DCC: variants seen among roughly 807,000 people sequenced by gnomAD.
DCC encodes netrin receptor DCC.
In DCC, 58 loss-of-function variants were observed where a neutral mutation model predicts 172.5. That is an observed-to-expected ratio of 0.34 (90% CI 0.27 to 0.42). The LOEUF is 0.42. DCC is among the 10% of genes least tolerant of loss of function. The pLI, the probability that DCC is intolerant of heterozygous loss-of-function variation, is 1.00. For synonymous variants in DCC, 709 were observed against 644.5 expected, an observed-to-expected ratio of 1.10 and a Z score of -1.52; for missense variants, 1,740 against 1,791.0, an observed-to-expected ratio of 0.97 and a Z score of 0.51.
Position 53,250,832 on chromosome 18 carries a change from A to G in DCC, c.1911+35235A>G, listed in dbSNP as rs146537735. ...AATGTTACCCATGTTCAGGATCTCC[A>G]CTTCCGTTATCTCCCTTGATTCCTG... On this transcript the variant is annotated intron_variant, in intron 12 of 28. Coordinates refer to ENST00000442544, the MANE Select transcript of DCC (RefSeq NM_005215.4). 5.9e-5 allele frequency among the ~76,000 whole-genome samples: 9 copies of G among 151,886 alleles called. No homozygotes were observed. In the East Asian group the frequency reaches 1.2e-3, roughly 20 times the overall value.
At chr18:52,408,236 C>A (rs3915401) in intron 1 of DCC, among the ~76,000 whole-genome samples, 54,948 of 151,706 alleles carry the variant, frequency 0.36, 10,297 homozygotes, top group Non-Finnish European at 0.42. Context: ...TGTCAAAATC[C>A]AGATTTTTTT....
At chr18:52,487,132 G>A (rs1006497547) in intron 1 of DCC, among the ~76,000 whole-genome samples, 6 of 152,108 alleles carry the variant, frequency 3.9e-5, no homozygotes, top group African/African-American at 9.7e-5. Context: ...GGACTGGGAG[G>A]GTTGGTGGAT....
chr18:53,425,872 A>G (rs1910901511), intron 21 of DCC, among the ~76,000 whole-genome samples: 2 of 152,164 alleles, frequency 1.3e-5, no homozygotes, highest in Non-Finnish European at 2.9e-5. Context: ...ATTCTGATCC[A>G]TTTAGTTCCA....
chr18:52,868,017 T>G (rs1019388523), intron 2 of DCC, among the ~76,000 whole-genome samples: 1 of 148,020 alleles, frequency 6.8e-6, no homozygotes, highest in East Asian at 2.0e-4. Context: ...ATGAGATTGC[T>G]AATATGTGTA....
At chr18:52,497,280 A>AAAAAAT (rs1555689730) in intron 1 of DCC, among the ~76,000 whole-genome samples, 13 of 21,560 alleles carry the variant, frequency 6.0e-4, no homozygotes, top group Admixed American at 1.3e-3. Context: ...AAAAAAAAAA[A>AAAAAAT]ATATATATAT....
intron 15 of DCC, among the ~76,000 whole-genome samples, chr18:53,347,986 G>A (rs2339578): frequency 0.34 from 52,083 of 151,854 alleles, 10,064 homozygotes; most frequent in East Asian, 0.58. Flanking sequence ...TGGGGACACA[G>A]CGAAACCATA....
intron 13 of DCC, among the ~76,000 whole-genome samples, chr18:53,320,149 T>C (rs1277353115): frequency 6.8e-6 from 1 of 147,664 alleles, no homozygotes; most frequent in East Asian, 2.1e-4. Context: ...CTCTGCTCAC[T>C]GCAAGCTCTG....
At chr18:53,216,793 A>G (rs1326303038) in intron 12 of DCC, among the ~76,000 whole-genome samples, 1 of 152,152 alleles carries the variant, frequency 6.6e-6, no homozygotes, top group Non-Finnish European at 1.5e-5. Context: ...AAATTAGAAG[A>G]AAATAACTAA....
chr18:53,257,215 G>T (rs1160158988), intron 12 of DCC, among the ~76,000 whole-genome samples: 2 of 152,072 alleles, frequency 1.3e-5, no homozygotes, highest in African/African-American at 2.4e-5. Context: ...TCCTTCTCCT[G>T]CCTGATTGCC....
At chr18:52,740,447 C>T (rs571186116) in intron 1 of DCC, among the ~76,000 whole-genome samples, 4 of 152,204 alleles carry the variant, frequency 2.6e-5, no homozygotes, top group Non-Finnish European at 4.4e-5. Context: ...TAATGAAAAT[C>T]GCTATTTGGC....
At chr18:53,409,406 T>C (rs1166268951) in intron 19 of DCC, among the ~76,000 whole-genome samples, 2 of 152,142 alleles carry the variant, frequency 1.3e-5, no homozygotes, top group Non-Finnish European at 2.9e-5. Context: ...ATGTATTTGA[T>C]GCATAAATAG....
chr18:53,156,449 C>G (rs1215008207), intron 7 of DCC, among the ~76,000 whole-genome samples: 1 of 150,614 alleles, frequency 6.6e-6, no homozygotes, highest in Non-Finnish European at 1.5e-5. Flanking sequence ...TGCCAGTGCA[C>G]TCCAGCTTGG....
intron 1 of DCC, among the ~76,000 whole-genome samples, chr18:52,420,932 GA>G (rs1987226638): frequency 6.6e-6 from 1 of 152,096 alleles, no homozygotes; most frequent in Non-Finnish European, 1.5e-5. Context: ...AGGATTTAAG[GA>G]CTTATTCAGA....
intron 12 of DCC, among the ~76,000 whole-genome samples, chr18:53,256,308 C>T (rs1453100034): frequency 6.6e-6 from 1 of 152,128 alleles, no homozygotes; most frequent in African/African-American, 2.4e-5. Context: ...CCCCGAATGG[C>T]ATTGCCTAGG....
At chr18:53,147,352 CT>C (rs1568331428) in intron 7 of DCC, among the ~76,000 whole-genome samples, 2 of 152,038 alleles carry the variant, frequency 1.3e-5, no homozygotes, top group Admixed American at 6.6e-5. Flanking sequence ...ATGGTCATAC[CT>C]AAAAACAAAA....
chr18:53,222,032 A>G (rs188736819), intron 12 of DCC, among the ~76,000 whole-genome samples: 187 of 152,340 alleles, frequency 1.2e-3, no homozygotes, highest in African/African-American at 4.3e-3. Flanking sequence ...CAGAATTTAG[A>G]CCAGAGCTCC....
chr18:52,700,176 A>G (rs2036085866), intron 1 of DCC, among the ~76,000 whole-genome samples: 1 of 148,660 alleles, frequency 6.7e-6, no homozygotes. Context: ...ACGCACACAC[A>G]CATGCACACG....
chr18:52,856,598 C>A (rs2039057989), intron 2 of DCC, among the ~76,000 whole-genome samples: 1 of 124,392 alleles, frequency 8.0e-6, no homozygotes, highest in African/African-American at 3.1e-5. Context: ...TGCACTCCAG[C>A]CTGGGCGACA....
At chr18:52,537,624 T>C (rs2032324265) in intron 1 of DCC, among the ~76,000 whole-genome samples, 1 of 151,738 alleles carries the variant, frequency 6.6e-6, no homozygotes, top group Admixed American at 6.6e-5. Context: ...AGCCAGCTTG[T>C]CTCACCAACT....
Sources: gnomAD v4.1 joint callset for allele counts (sites outside exome capture counted in the v4.1 genomes callset) on GRCh38, gnomAD v4.1.1 for gene constraint, MANE v1.5 for transcripts, NCBI Gene and HGNC (gene_info 2026-07-23, HGNC 2026-07-21) for gene names.